FILIP1L: variants seen among roughly 807,000 people sequenced by gnomAD.
FILIP1L encodes filamin A interacting protein 1 like.
A neutral mutation model predicts 96.6 loss-of-function variants in FILIP1L; 55 were observed. That is an observed-to-expected ratio of 0.57 (90% confidence interval 0.46 to 0.71). The LOEUF is 0.71. FILIP1L is among the 30% of genes least tolerant of loss of function. The pLI is 0.00. For synonymous variants in FILIP1L, 467 were observed against 473.9 expected, an observed-to-expected ratio of 0.99 and a Z score of 0.19; for missense variants, 1,304 against 1,321.2, an observed-to-expected ratio of 0.99 and a Z score of 0.20.
intron 1 of FILIP1L, among the ~76,000 whole-genome samples, chr3:99,959,339 G>A (rs1388729358): frequency 3.3e-5 from 5 of 152,118 alleles, no homozygotes; most frequent in Admixed American, 6.5e-5. Context: ...TAGCAGAGGC[G>A]GGGTTTCGCC....
At chr3:99,875,054 G>C (rs1437019482) in intron 4 of FILIP1L, among the ~76,000 whole-genome samples, 1 of 152,166 alleles carries the variant, frequency 6.6e-6, no homozygotes, top group Non-Finnish European at 1.5e-5. Flanking sequence ...TCACATAGTT[G>C]TTAAAGTTTT....
At chr3:99,916,033 CAACTT>C (rs1438101272) in intron 4 of FILIP1L, among the ~76,000 whole-genome samples, 1 of 152,136 alleles carries the variant, frequency 6.6e-6, no homozygotes, top group East Asian at 1.9e-4. Context: ...TTTTATGTGT[CAACTT>C]GACTGGGCCA....
At chr3:99,896,086 T>C (rs1357354923) in intron 4 of FILIP1L, among the ~76,000 whole-genome samples, 1 of 151,952 alleles carries the variant, frequency 6.6e-6, no homozygotes, top group Non-Finnish European at 1.5e-5. Context: ...TCTTCACATA[T>C]GTGGAATAAA....
At chr3:99,837,023 A>G (rs1942927637) in intron 5 of FILIP1L, among the ~76,000 whole-genome samples, 1 of 152,240 alleles carries the variant, frequency 6.6e-6, no homozygotes. Context: ...AAAAAATAGT[A>G]ATAATCGTCC....
intron 4 of FILIP1L, among the ~76,000 whole-genome samples, chr3:99,853,514 G>A (rs1459025894): frequency 6.6e-6 from 1 of 152,218 alleles, no homozygotes; most frequent in Non-Finnish European, 1.5e-5. Context: ...TGAGTGCAGT[G>A]CAGTAACCTG....
chr3:99,966,614 G>A (rs74560952), intron 1 of FILIP1L, among the ~76,000 whole-genome samples: 11,935 of 152,168 alleles, frequency 0.078, 551 homozygotes, highest in Admixed American at 0.11. Context: ...CCTTCGCTCT[G>A]TATATACAGT....
intron 1 of FILIP1L, among the ~76,000 whole-genome samples, chr3:100,086,486 T>C (rs978134035): frequency 2.0e-5 from 3 of 152,210 alleles, no homozygotes; most frequent in African/African-American, 7.2e-5. Flanking sequence ...AACTCCTAGT[T>C]GATACTCAAA....
At chr3:99,980,261 C>T (rs905745224) in intron 1 of FILIP1L, among the ~76,000 whole-genome samples, 1 of 152,134 alleles carries the variant, frequency 6.6e-6, no homozygotes, top group African/African-American at 2.4e-5. Context: ...CCTGGATCTA[C>T]TAATCTTACC....
At chr3:99,870,590 A>T (rs1441192151) in intron 4 of FILIP1L, among the ~76,000 whole-genome samples, 1 of 152,146 alleles carries the variant, frequency 6.6e-6, no homozygotes, top group Non-Finnish European at 1.5e-5. Flanking sequence ...GTGACATGGT[A>T]TGGTGTGTGG....
chr3:100,065,731 C>A (rs2065652710), intron 1 of FILIP1L, among the ~76,000 whole-genome samples: 1 of 152,194 alleles, frequency 6.6e-6, no homozygotes, highest in South Asian at 2.1e-4. Flanking sequence ...ATTCTTGTAT[C>A]TAATTAGTCC....
chr3:100,074,254 G>A (rs1013344594), intron 1 of FILIP1L, among the ~76,000 whole-genome samples: 4 of 152,216 alleles, frequency 2.6e-5, no homozygotes, highest in African/African-American at 4.8e-5. Flanking sequence ...ACTGTGGAGA[G>A]CTCTTCGCTG....
chr3:99,832,795 A>G (rs1347826142), intron 5 of FILIP1L, among the ~76,000 whole-genome samples: 1 of 146,492 alleles, frequency 6.8e-6, no homozygotes, highest in Non-Finnish European at 1.5e-5. Context: ...AGCCGAGATC[A>G]TAGCATTGCA....
intron 1 of FILIP1L, among the ~76,000 whole-genome samples, chr3:100,044,692 T>C (rs1175127406): frequency 6.6e-6 from 1 of 152,202 alleles, no homozygotes; most frequent in Non-Finnish European, 1.5e-5. Context: ...AAAGATTTTT[T>C]TAATGAGGTA....
chr3:100,103,763 G>T (rs1559758646), intron 1 of FILIP1L, among the ~76,000 whole-genome samples: 1 of 152,158 alleles, frequency 6.6e-6, no homozygotes, highest in Admixed American at 6.6e-5. Flanking sequence ...CACTGGCCTT[G>T]CAATAAACAT....
chr3:99,901,728 C>T (rs115820903), intron 4 of FILIP1L, among the ~76,000 whole-genome samples: 4 of 152,202 alleles, frequency 2.6e-5, no homozygotes, highest in African/African-American at 4.8e-5. Context: ...TAACTCTGGA[C>T]GGGATGTAAG....
At chr3:99,900,471 A>G (rs1706399383) in intron 4 of FILIP1L, among the ~76,000 whole-genome samples, 1 of 152,352 alleles carries the variant, frequency 6.6e-6, no homozygotes, top group Non-Finnish European at 1.5e-5. Context: ...AAATAACCAG[A>G]TTTCAGATGA....
chr3:99,909,588 T>A (rs2107637257), intron 4 of FILIP1L, among the ~76,000 whole-genome samples: 1 of 152,290 alleles, frequency 6.6e-6, no homozygotes, highest in South Asian at 2.1e-4. Flanking sequence ...AGTAAGAGAA[T>A]GAGTAGATTT....
At chr3:99,905,393 C>T (rs142782696) in intron 4 of FILIP1L, among the ~76,000 whole-genome samples, 267 of 152,306 alleles carry the variant, frequency 1.8e-3, no homozygotes, top group Non-Finnish European at 2.9e-3. Flanking sequence ...TACCAGTCTT[C>T]TAATTGCTCT....
intron 1 of FILIP1L, among the ~76,000 whole-genome samples, chr3:99,972,906 G>C (rs996799426): frequency 3.9e-4 from 60 of 152,196 alleles, no homozygotes; most frequent in African/African-American, 1.3e-3. Context: ...TGTTGTGAGA[G>C]GGTTTGTTAC....
Sources: allele counts gnomAD v4.1 joint callset (sites outside exome capture counted in the v4.1 genomes callset), GRCh38; gene constraint gnomAD v4.1.1; transcripts MANE v1.5; gene names NCBI Gene and HGNC (gene_info 2026-07-23, HGNC 2026-07-21).